The following SLIT3 variants were observed in gnomAD, a reference collection of about 807,000 sequenced individuals.
The protein encoded by SLIT3 is slit guidance ligand 3.
SLIT3 carries 68 observed loss-of-function variants against 184.0 expected under a neutral mutation model. That is an observed-to-expected ratio of 0.37 (90% CI 0.30 to 0.45). The LOEUF (loss-of-function observed/expected upper bound fraction) is 0.45, where lower values mean the gene tolerates loss of function less well. SLIT3 is among the 20% of genes least tolerant of loss of function. The pLI is 1.00. For synonymous variants in SLIT3, 831 were observed against 828.6 expected (o/e 1.00, Z -0.05); for missense variants, 1,707 against 2,026.0 (o/e 0.84, Z 3.02).
intron 4 of SLIT3, among the ~76,000 whole-genome samples, chr5:169,083,589 A>G (rs983676656): frequency 2.0e-5 from 3 of 152,212 alleles, no homozygotes; most frequent in Admixed American, 1.3e-4. Flanking sequence ...GAGCCTCTCC[A>G]GCATGTGTGT....
intron 4 of SLIT3, among the ~76,000 whole-genome samples, chr5:168,972,441 C>T (rs897200563): frequency 5.3e-5 from 8 of 149,962 alleles, no homozygotes; most frequent in Non-Finnish European, 5.9e-5. Flanking sequence ...TGGATTATGG[C>T]GGACCCTTTT....
At chr5:169,200,961 C>A (rs17070982) in intron 3 of SLIT3, among the ~76,000 whole-genome samples, 10,472 of 152,270 alleles carry the variant, frequency 0.069, 458 homozygotes, top group South Asian at 0.12. Flanking sequence ...AGACTCAATA[C>A]CCAGGGCCAT....
intron 1 of SLIT3, among the ~76,000 whole-genome samples, chr5:169,253,902 G>A (rs892901891): frequency 2.6e-5 from 4 of 152,102 alleles, no homozygotes; most frequent in Admixed American, 6.5e-5. Flanking sequence ...CCTGTCCTTC[G>A]CAGCATTTCT....
chr5:168,973,966 A>T (rs1006238261), intron 4 of SLIT3, among the ~76,000 whole-genome samples: 2 of 152,224 alleles, frequency 1.3e-5, no homozygotes, highest in African/African-American at 2.4e-5. Flanking sequence ...TGGAGCTCTC[A>T]TGAAAAATAC....
intron 1 of SLIT3, among the ~76,000 whole-genome samples, chr5:169,290,483 T>G (rs1581144272): frequency 6.7e-6 from 1 of 148,802 alleles, no homozygotes; most frequent in Non-Finnish European, 1.5e-5. Context: ...GGACATACAC[T>G]GGGGTACATA....
At chr5:168,961,944 G>A (rs1763027166) in intron 4 of SLIT3, among the ~76,000 whole-genome samples, 1 of 152,080 alleles carries the variant, frequency 6.6e-6, no homozygotes, top group Admixed American at 6.5e-5. Flanking sequence ...CTCTGGGTAT[G>A]ATATGGAGAA....
At chr5:168,901,008 G>A (rs185269026) in intron 4 of SLIT3, among the ~76,000 whole-genome samples, 103 of 152,252 alleles carry the variant, frequency 6.8e-4, no homozygotes, top group African/African-American at 2.3e-3. Context: ...TACAATGTAC[G>A]TTACTGGGGT....
intron 5 of SLIT3, among the ~76,000 whole-genome samples, chr5:168,875,021 G>GT (rs1436753707): frequency 6.6e-6 from 1 of 151,444 alleles, no homozygotes; most frequent in Non-Finnish European, 1.5e-5. Flanking sequence ...GGTAATTTGT[G>GT]TAACAATGAA....
At chr5:169,014,937 C>T (rs540284338) in intron 4 of SLIT3, among the ~76,000 whole-genome samples, 45 of 152,028 alleles carry the variant, frequency 3.0e-4, no homozygotes, top group South Asian at 2.7e-3. Context: ...GGTGACAGAG[C>T]GAGACTCCAT....
chr5:168,679,787 C>T (rs1042555245), intron 32 of SLIT3, among the ~76,000 whole-genome samples: 3 of 152,274 alleles, frequency 2.0e-5, no homozygotes, highest in East Asian at 3.9e-4. Flanking sequence ...GGAGCCAGCA[C>T]GGTGGGAGAG....
At chr5:169,173,981 C>T (rs1341010012) in intron 4 of SLIT3, among the ~76,000 whole-genome samples, 2 of 152,166 alleles carry the variant, frequency 1.3e-5, no homozygotes, top group Non-Finnish European at 2.9e-5. Flanking sequence ...TCAAGCCAGG[C>T]CCAACAGAAG....
chr5:169,289,422 C>T (rs1767263461), intron 1 of SLIT3, among the ~76,000 whole-genome samples: 1 of 152,234 alleles, frequency 6.6e-6, no homozygotes, highest in Admixed American at 6.5e-5. Flanking sequence ...TTTTTAATTA[C>T]AAAATGATCT....
intron 3 of SLIT3, among the ~76,000 whole-genome samples, chr5:169,199,248 G>A (rs297851): frequency 0.034 from 4,932 of 146,070 alleles, 301 homozygotes; most frequent in African/African-American, 0.12. Flanking sequence ...TGGTCTCTGC[G>A]TGAAGACCTG....
chr5:169,152,141 C>A (rs149055360), intron 4 of SLIT3, among the ~76,000 whole-genome samples: 333 of 152,310 alleles, frequency 2.2e-3, no homozygotes, highest in African/African-American at 7.7e-3. Flanking sequence ...GATTATGGTA[C>A]AAAGAGCCCC....
At chr5:169,064,691 T>C (rs1212030667) in intron 4 of SLIT3, among the ~76,000 whole-genome samples, 3 of 152,228 alleles carry the variant, frequency 2.0e-5, no homozygotes, top group African/African-American at 7.2e-5. Context: ...GAAAGGTCAG[T>C]CCGGCTCTTC....
intron 4 of SLIT3, among the ~76,000 whole-genome samples, chr5:169,015,931 AACAC>A (rs3138760): frequency 0.19 from 22,531 of 119,732 alleles, 2,012 homozygotes; most frequent in South Asian, 0.29. Flanking sequence ...GAAAAATATA[AACAC>A]ACACACACAC....
intron 4 of SLIT3, among the ~76,000 whole-genome samples, chr5:168,947,337 C>T (rs1277876108): frequency 6.6e-6 from 1 of 152,150 alleles, no homozygotes; most frequent in Admixed American, 6.5e-5. Context: ...CTGCAGACTG[C>T]ACTCTGGGAT....
intron 9 of SLIT3, among the ~76,000 whole-genome samples, chr5:168,800,545 C>T (rs1222350433): frequency 2.0e-5 from 3 of 152,188 alleles, no homozygotes; most frequent in African/African-American, 7.2e-5. Flanking sequence ...CAAGATCACA[C>T]CATTGCACTC....
At chr5:168,764,515 G>A (rs540365943) in intron 14 of SLIT3, among the ~76,000 whole-genome samples, 1 of 152,266 alleles carries the variant, frequency 6.6e-6, no homozygotes, top group Admixed American at 6.5e-5. Context: ...TGGTGCAGGT[G>A]GATTGAATGG....
Sources: gnomAD v4.1 joint callset for allele counts (sites outside exome capture counted in the v4.1 genomes callset) on GRCh38, gnomAD v4.1.1 for gene constraint, MANE v1.5 for transcripts, NCBI Gene and HGNC (gene_info 2026-07-23, HGNC 2026-07-21) for gene names.